CACNG2: variants seen among roughly 807,000 people sequenced by gnomAD.
CACNG2 encodes the protein voltage-dependent calcium channel gamma-2 subunit.
In CACNG2, 3 loss-of-function variants were observed where a neutral mutation model predicts 25.9. The ratio of observed to expected loss-of-function variants is 0.12; its 90% CI spans 0.05 to 0.30. The LOEUF is 0.30. CACNG2 is among the 10% of genes least tolerant of loss of function. The pLI is 1.00. For missense variants in CACNG2, 341 were observed against 432.5 expected, an observed-to-expected ratio of 0.79 and a Z score of 1.88; for synonymous variants, 167 against 173.3, an observed-to-expected ratio of 0.96 and a Z score of 0.29.
At chr22:36,681,512 C>A (rs1439504644) in intron 1 of CACNG2, among the ~76,000 whole-genome samples, 2 of 151,352 alleles carry the variant, frequency 1.3e-5, no homozygotes, top group African/African-American at 2.4e-5. Context: ...ATTTGAGCAT[C>A]AGCCTTTGGG....
chr22:36,575,821 C>A (rs532602713), intron 2 of CACNG2, among the ~76,000 whole-genome samples: 2 of 152,194 alleles, frequency 1.3e-5, no homozygotes, highest in Admixed American at 1.3e-4. Flanking sequence ...ATGTAGCGGG[C>A]AGGTTCCTCA....
chr22:36,642,360 C>T (rs1406195562), intron 1 of CACNG2, among the ~76,000 whole-genome samples: 1 of 152,192 alleles, frequency 6.6e-6, no homozygotes, highest in Non-Finnish European at 1.5e-5. Flanking sequence ...ACTCCACCCC[C>T]AATGCATTCA....
intron 3 of CACNG2, among the ~76,000 whole-genome samples, 182 bp from the exon 4 acceptor site, chr22:36,565,068 T>C (rs1935103837): frequency 6.6e-6 from 1 of 152,192 alleles, no homozygotes; most frequent in East Asian, 1.9e-4. Context: ...TAACATTTTA[T>C]CTTTCCATTC....
At chr22:36,677,734 A>C (rs1182040784) in intron 1 of CACNG2, among the ~76,000 whole-genome samples, 1 of 152,168 alleles carries the variant, frequency 6.6e-6, no homozygotes, top group African/African-American at 2.4e-5. Context: ...GCATGTGTTG[A>C]GCCTGTGGTG....
chr22:36,662,379 T>G (rs567919782), intron 1 of CACNG2, among the ~76,000 whole-genome samples: 3 of 152,310 alleles, frequency 2.0e-5, no homozygotes, highest in African/African-American at 7.2e-5. Flanking sequence ...ATCAGTGATC[T>G]GCCAGTTCAT....
chr22:36,562,545 G>A lies in CACNG2; in HGVS notation c.*1806C>T, dbSNP rs945249775. On this transcript the variant is annotated 3_prime_UTR_variant, in exon 4 of 4. Coordinates refer to ENST00000300105, the MANE Select transcript of CACNG2 (RefSeq NM_006078.5). ...TGTGTTCATGTGTATGCTCTGTTGGGAGGTTGTGAATGAACACAAAGGCCA... is the reference window on the plus strand; with the variant it reads ...TGTGTTCATGTGTATGCTCTGTTGGAAGGTTGTGAATGAACACAAAGGCCA... 1 of 151,994 alleles carries A rather than the reference G, an allele frequency of 6.6e-6. No homozygotes were observed. Among genetic ancestry groups the A allele is most frequent in the Non-Finnish European group, 1.5e-5 (1 of 68,018 alleles). The allele number at this position is 151,994 out of a possible 1,614,324, so 9.4% of individuals were successfully genotyped here.
rs114860263 is a variant in CACNG2, at chr22:36,664,395, G to T, written c.211+37971C>A. Among the ~76,000 whole-genome samples the T allele has an allele frequency of 8.6e-3, 1,304 of 152,356 alleles. 14 individuals are homozygous for T. The highest frequency in any genetic ancestry group is 0.03 in the African/African-American group (1,257 of 41,580). ...GGGGCTCCAGCAGTGAACAGGATGA[G>T]CAAGGTCCTTGTTTCTCTAAAGCTT... On this transcript the variant is annotated intron_variant, in intron 1 of 3. Coordinates refer to ENST00000300105, the MANE Select transcript of CACNG2 (RefSeq NM_006078.5).
At chr22:36,646,915 T>G (rs1172117690) in intron 1 of CACNG2, among the ~76,000 whole-genome samples, 3 of 152,132 alleles carry the variant, frequency 2.0e-5, no homozygotes, top group Admixed American at 2.0e-4. Flanking sequence ...CTTTGTATTT[T>G]CTTATAGCCT....
At position 36,561,083 on chromosome 22, in the gene CACNG2, T is replaced by G. The variant is rs1178016495; in HGVS notation, c.*3268A>C. The G allele has an allele frequency of 1.3e-5, 2 of 152,240 alleles. No homozygotes were observed. The highest frequency in any genetic ancestry group is 3.8e-4 in the East Asian group (2 of 5,196). The allele number at this position is 152,240 out of a possible 1,614,324, so 9.4% of individuals were successfully genotyped here. On this transcript the variant is annotated 3_prime_UTR_variant, in exon 4 of 4. Transcript: ENST00000300105. ...CCCTTGCAGTTCCGGTCCTGGCTCC[T>G]TCCCTCCGGACCCCCTAGCCCCTTC...
intron 1 of CACNG2, among the ~76,000 whole-genome samples, chr22:36,659,699 GAAA>G (rs1387475628): frequency 6.6e-6 from 1 of 152,034 alleles, no homozygotes; most frequent in African/African-American, 2.4e-5. Context: ...GCACACAGGT[GAAA>G]TGCTGATGTA....
At chr22:36,584,018 C>T (rs1325612571) in intron 2 of CACNG2, among the ~76,000 whole-genome samples, 1 of 152,188 alleles carries the variant, frequency 6.6e-6, no homozygotes, top group East Asian at 1.9e-4. Flanking sequence ...CTCTCTTCCC[C>T]AGAAATCTTC....
At chr22:36,594,772 GGT>G (rs778076473) in intron 1 of CACNG2, among the ~76,000 whole-genome samples, 1 of 147,066 alleles carries the variant, frequency 6.8e-6, no homozygotes, top group African/African-American at 2.5e-5. Context: ...TGCGTGCATG[GGT>G]GTGTGTGTCT....
chr22:36,623,012 G>GTTTTTTT (rs1260485985), intron 1 of CACNG2, among the ~76,000 whole-genome samples: 1 of 45,718 alleles, frequency 2.2e-5, no homozygotes, highest in Non-Finnish European at 4.9e-5. Context: ...CAAAACATGG[G>GTTTTTTT]TTTTTTTTTT....
intron 1 of CACNG2, among the ~76,000 whole-genome samples, chr22:36,591,873 C>T (rs976152981): frequency 1.3e-5 from 2 of 151,754 alleles, no homozygotes; most frequent in African/African-American, 2.4e-5. Flanking sequence ...GGGTGTAACA[C>T]TTCTCTTCTG....
intron 1 of CACNG2, among the ~76,000 whole-genome samples, chr22:36,656,840 C>T (rs968875500): frequency 7.2e-5 from 11 of 152,194 alleles, no homozygotes; most frequent in East Asian, 1.9e-4. Flanking sequence ...TTTAAAATGG[C>T]GGCGTTCCTG....
At chr22:36,582,618 A>G (rs990417145) in intron 2 of CACNG2, among the ~76,000 whole-genome samples, 1 of 151,536 alleles carries the variant, frequency 6.6e-6, no homozygotes, top group Admixed American at 6.6e-5. Flanking sequence ...CATGTTGGTC[A>G]GGCTGGTCTC....
At chr22:36,612,363 G>A (rs1935955086) in intron 1 of CACNG2, among the ~76,000 whole-genome samples, 1 of 152,186 alleles carries the variant, frequency 6.6e-6, no homozygotes, top group Admixed American at 6.5e-5. Context: ...TACTATATTA[G>A]TATAACATAA....
intron 1 of CACNG2, among the ~76,000 whole-genome samples, chr22:36,656,631 G>A (rs1301764642): frequency 2.0e-5 from 3 of 152,122 alleles, no homozygotes; most frequent in African/African-American, 7.2e-5. Context: ...CTCCCACGAC[G>A]CTCAGAGCAA....
intron 1 of CACNG2, among the ~76,000 whole-genome samples, chr22:36,602,677 C>G (rs554998253): frequency 6.6e-6 from 1 of 152,194 alleles, no homozygotes; most frequent in Non-Finnish European, 1.5e-5. Context: ...TGAGCCACTG[C>G]GCCCGGACTA....
Sources: gnomAD v4.1 joint callset for allele counts (sites outside exome capture counted in the v4.1 genomes callset) on GRCh38, gnomAD v4.1.1 for gene constraint, MANE v1.5 for transcripts, NCBI Gene and HGNC (gene_info 2026-07-23, HGNC 2026-07-21) for gene names.